The following PNPLA1 variants were observed in gnomAD, a reference collection of about 807,000 sequenced individuals.
PNPLA1 encodes the protein patatin like domain 1, omega-hydroxyceramide transacylase, also known as omega-hydroxyceramide transacylase.
In PNPLA1, 36 loss-of-function variants were observed where a neutral mutation model predicts 51.7. The observed-to-expected ratio is 0.70, with a 90% confidence interval of 0.53 to 0.92. PNPLA1 has a LOEUF of 0.92. Ranked by LOEUF, PNPLA1 falls within the 40% of genes least tolerant of loss-of-function variation. PNPLA1 has a pLI of 0.00. For missense variants in PNPLA1, 658 were observed against 682.5 expected (o/e 0.96, Z 0.40); for synonymous variants, 293 against 280.1 (o/e 1.05, Z -0.46).
chr6:36,271,439 G>T (rs1769913016), intron 1 of PNPLA1, among the ~76,000 whole-genome samples: 1 of 152,182 alleles, frequency 6.6e-6, no homozygotes, highest in South Asian at 2.1e-4. Context: ...AGGCACTGAG[G>T]ACAAGGTCCC....
Position 36,291,369 on chromosome 6 carries a change from C to T in PNPLA1, c.255C>T (p.Ser85=). 6.2e-7 allele frequency: 1 copy of T among 1,614,054 alleles called. No homozygotes were observed. Among genetic ancestry groups the T allele is most frequent in the African/African-American group, 1.3e-5 (1 of 75,004 alleles). ...TGGGTGTGGCCGAGGTGAAGAAATC[C>T]TTCCTGGGGCCCTTGTCCCCGTCCT... ...LNVGVAEVKK[S]FLGPLSPSCK... Residue 85 remains serine (S), a synonymous_variant, in exon 2 of 9, where the codon TCC becomes TCT. Coordinates refer to ENST00000636260, the MANE Select transcript of PNPLA1 (RefSeq NM_001374623.1).
intron 5 of PNPLA1, 140 bp from the exon 6 acceptor site, chr6:36,301,721 C>T: frequency 3.3e-6 from 4 of 1,208,326 alleles, no homozygotes; most frequent in Middle Eastern, 2.7e-4. Context: ...TTTGTTTTCA[C>T]TCACTGTAAA....
chr6:36,247,713 C>T (rs1301481666), intron 1 of PNPLA1, among the ~76,000 whole-genome samples: 1 of 152,186 alleles, frequency 6.6e-6, no homozygotes, highest in Admixed American at 6.5e-5. Context: ...CCAGGGGCTC[C>T]TCCAGTTTGC....
chr6:36,268,542 C>T (rs574999484), upstream of PNPLA1, among the ~76,000 whole-genome samples: 19 of 152,268 alleles, frequency 1.2e-4, no homozygotes, highest in African/African-American at 4.6e-4. Context: ...CGACCAGTGC[C>T]TGCCTGCTCC....
At position 36,255,686 on chromosome 6, in the gene PNPLA1, TAA is replaced by T. The variant is rs10711951; in HGVS notation, c.-81+12439_-81+12440del. Among the ~76,000 whole-genome samples, 271 of 147,396 alleles carry T rather than the reference TAA, an allele frequency of 1.8e-3. 2 individuals are homozygous for T. The East Asian group carries it at 0.029, about 16-fold the overall frequency. On this transcript the variant is annotated intron_variant, in intron 1 of 7. Coordinates refer to the PNPLA1 transcript ENST00000312917. ...TGAGCAACAAGAGTGAAACTCCGTC[TAA>T]AAAAAAAAAAAAATCTAACTGACAG...
At chr6:36,274,401 G>A (rs1582052238) in intron 1 of PNPLA1, among the ~76,000 whole-genome samples, 1 of 152,094 alleles carries the variant, frequency 6.6e-6, no homozygotes, top group East Asian at 1.9e-4. Flanking sequence ...CGTGGGTAAG[G>A]GAATGAGCCC....
upstream of PNPLA1, among the ~76,000 whole-genome samples, chr6:36,267,919 C>A (rs1254979722): frequency 6.6e-6 from 1 of 152,140 alleles, no homozygotes; most frequent in African/African-American, 2.4e-5. Flanking sequence ...CTCCTCCCTA[C>A]CCCCAGGCTA....
rs1771456435 is a variant in PNPLA1, at chr6:36,313,762, T to C, written c.*1876T>C. Reference sequence around the variant, plus strand: ...AGTGGCCTCCATGTTTGCAGAAGCCTGAGGCCTGGGAAACTAGGGGGAGGA... The same window carrying C: ...AGTGGCCTCCATGTTTGCAGAAGCCCGAGGCCTGGGAAACTAGGGGGAGGA... On this transcript the variant is annotated 3_prime_UTR_variant, in exon 9 of 9. Coordinates refer to ENST00000636260, the MANE Select transcript of PNPLA1 (RefSeq NM_001374623.1). Among the ~76,000 whole-genome samples the C allele has an allele frequency of 6.6e-6, 1 of 152,188 alleles. No homozygotes were observed. Among genetic ancestry groups the C allele is most frequent in the Non-Finnish European group, 1.5e-5 (1 of 68,026 alleles).
chr6:36,279,877 A>G (rs1351923132), intron 1 of PNPLA1, among the ~76,000 whole-genome samples: 5 of 152,264 alleles, frequency 3.3e-5, no homozygotes, highest in Non-Finnish European at 7.3e-5. Context: ...AGCACTTTCC[A>G]AAGTCAAGAA....
chr6:36,273,728 C>CAAAAAAAAAAAAAAAAAAAAAAAAAAAAA (rs57186870), intron 1 of PNPLA1, among the ~76,000 whole-genome samples: 3 of 48,222 alleles, frequency 6.2e-5, no homozygotes, highest in Non-Finnish European at 6.9e-5. Flanking sequence ...GACCCCATCG[C>CAAAAAAAAAAAAAAAAAAAAAAAAAAAAA]AAAAAAAAAA....
chr6:36,291,345 G>A lies in PNPLA1; in HGVS notation c.231G>A (p.Val77=), dbSNP rs1561864099. 5 of 1,613,962 alleles carry A rather than the reference G, an allele frequency of 3.1e-6. No individual in the cohort carries two copies. The highest frequency in any genetic ancestry group is 4.2e-6 in the Non-Finnish European group (5 of 1,180,010). Residue 77 remains valine (V), a synonymous_variant, in exon 2 of 9, where the codon GTG becomes GTA. Coordinates refer to ENST00000636260, the MANE Select transcript of PNPLA1 (RefSeq NM_001374623.1). ...ATGAGTATCTCAGAGTCCTCAACGT[G>A]GGTGTGGCCGAGGTGAAGAAATCCT... The part of the protein sequence containing the change: ...EMDEYLRVLN[V]GVAEVKKSFL...
At chr6:36,296,800 G>A (rs1173019851) in intron 5 of PNPLA1, among the ~76,000 whole-genome samples, 2 of 152,052 alleles carry the variant, frequency 1.3e-5, no homozygotes, top group African/African-American at 4.8e-5. Context: ...TGTGACCTCC[G>A]GATAATTGCT....
chr6:36,269,412 C>T (rs1769841142), upstream of PNPLA1, among the ~76,000 whole-genome samples: 1 of 152,226 alleles, frequency 6.6e-6, no homozygotes, highest in South Asian at 2.1e-4. Context: ...CTCACACCAC[C>T]TCCCTTACCA....
At chr6:36,291,597 G>GGGGGGGGGGGGGGGGTGGGCC in intron 2 of PNPLA1, 45 bp downstream of exon 2, 1 of 532,586 alleles carries the variant, frequency 1.9e-6, no homozygotes, top group Non-Finnish European at 3.4e-6. Flanking sequence ...GGGGGCGGGG[G>GGGGGGGGGGGGGGGGTGGGCC]AGGGCGGCTC....
Position 36,270,313 on chromosome 6 carries a change from C to T in PNPLA1, c.-147C>T. 2.5e-6 allele frequency: 2 copies of T among 814,290 alleles called. No homozygotes were observed. The highest frequency in any genetic ancestry group is 2.7e-5 in the East Asian group (1 of 37,342). The allele number at this position is 814,290 out of a possible 1,614,324, so 50.4% of individuals were successfully genotyped here. On this transcript the variant is annotated 5_prime_UTR_variant, in exon 1 of 9. Coordinates refer to ENST00000636260, the MANE Select transcript of PNPLA1 (RefSeq NM_001374623.1). ...GCTTCCTGAGCAGCCTGTGGTTGCT[C>T]CAGCCGGGTAGAGACAGCCACATTC...
At chr6:36,262,532 A>C (rs1769674890) in intron 1 of PNPLA1, among the ~76,000 whole-genome samples, 1 of 152,244 alleles carries the variant, frequency 6.6e-6, no homozygotes, top group East Asian at 1.9e-4. Context: ...TAACAATGAA[A>C]ACAACACAAG....
intron 1 of PNPLA1, among the ~76,000 whole-genome samples, chr6:36,275,323 C>T (rs561582872): frequency 1.3e-5 from 2 of 152,312 alleles, no homozygotes; most frequent in South Asian, 4.1e-4. Flanking sequence ...TCAAGCAATC[C>T]TCCTTCCTCA....
At chr6:36,269,346 C>T (rs1206030056), upstream of PNPLA1, among the ~76,000 whole-genome samples, 1 of 152,186 alleles carries the variant, frequency 6.6e-6, no homozygotes, top group Non-Finnish European at 1.5e-5. Context: ...ATCAGGACCA[C>T]ATGATACAGC....
intron 1 of PNPLA1, among the ~76,000 whole-genome samples, chr6:36,282,770 C>T (rs915332457): frequency 6.6e-6 from 1 of 152,182 alleles, no homozygotes; most frequent in African/African-American, 2.4e-5. Context: ...ACTGCAACCT[C>T]CACCTCCTGG....
Sources: gnomAD v4.1 joint callset for allele counts (sites outside exome capture counted in the v4.1 genomes callset) on GRCh38, gnomAD v4.1.1 for gene constraint, MANE v1.5 for transcripts, NCBI Gene and HGNC (gene_info 2026-07-23, HGNC 2026-07-21) for gene names.